Variants in RPL4 observed in about 807,000 individuals in gnomAD.
RPL4 encodes large ribosomal subunit protein uL4.
Under a neutral mutation model 47.7 loss-of-function variants are expected in RPL4, and 3 were observed. The observed-to-expected ratio is 0.06, with a 90% confidence interval of 0.03 to 0.16. The LOEUF is 0.16. Among genes scored for constraint, RPL4 ranks in the 10% least tolerant of loss-of-function variants. The probability of loss-of-function intolerance (pLI) is 1.00; values close to 1 mark genes in which losing one functional copy is unlikely to be tolerated. For synonymous variants in RPL4, 208 were observed against 182.1 expected (o/e 1.14, Z -1.15); for missense variants, 413 against 551.3 (o/e 0.75, Z 2.51).
intron 1 of RPL4, 65 bp from the exon 2 acceptor site, chr15:66,503,594 G>T: frequency 6.8e-7 from 1 of 1,475,720 alleles, no homozygotes. Context: ...CTTCTCATAC[G>T]CCAACAATAC....
intron 4 of RPL4, chr15:66,502,372 T>C (rs562430293): frequency 2.9e-4 from 146 of 496,272 alleles, no homozygotes; most frequent in Non-Finnish European, 4.4e-4. Flanking sequence ...AAAAAATTTT[T>C]AAACCGGTAT....
intron 9 of RPL4, 178 bp downstream of exon 9, chr15:66,499,878 C>T (rs1893574180): frequency 2.1e-6 from 2 of 938,948 alleles, no homozygotes; most frequent in East Asian, 2.6e-5. Flanking sequence ...CAAAAATTAG[C>T]CGGACATGGT....
chr15:66,500,655 G>C (rs2140713132), intron 7 of RPL4: 2 of 544,458 alleles, frequency 3.7e-6, no homozygotes, highest in Non-Finnish European at 6.5e-6. Context: ...GGTGGCACAA[G>C]CCTGTAGTCC....
At position 66,501,006 on chromosome 15, in the gene RPL4, T is replaced by G; in HGVS notation, c.776A>C (p.Lys259Thr). ...FCIWTESAFR[K>T]LDELYGTWRK... Reference sequence around the variant, plus strand: ...CCAAGTGCCGTACAATTCATCTAACTTCCGGAAAGCACTTTCAGTCCAAAT... The same window carrying G: ...CCAAGTGCCGTACAATTCATCTAACGTCCGGAAAGCACTTTCAGTCCAAAT... Residue 259 changes from lysine to threonine, a missense_variant, in exon 7 of 10, where the codon AAG (lysine) becomes ACG (threonine). Around this residue, in one of 4 missense-constraint regions of RPL4, gnomAD observed 214 missense variants for 304.2 expected, o/e 0.70. Coordinates refer to ENST00000307961, the MANE Select transcript of RPL4 (RefSeq NM_000968.4). The G allele has an allele frequency of 1.9e-6, 3 of 1,614,006 alleles. No individual in the cohort carries two copies. The highest frequency in any genetic ancestry group is 2.5e-6 in the Non-Finnish European group (3 of 1,179,900).
chr15:66,504,155 G>A (rs1376719090), intron 1 of RPL4, among the ~76,000 whole-genome samples: 1 of 151,946 alleles, frequency 6.6e-6, no homozygotes, highest in Non-Finnish European at 1.5e-5. Context: ...CATCCTTCAG[G>A]CCACTTTAAG....
At chr15:66,500,777 G>C in intron 7 of RPL4, 172 bp downstream of exon 7, 2 of 733,856 alleles carry the variant, frequency 2.7e-6, no homozygotes, top group Non-Finnish European at 4.4e-6. Flanking sequence ...GAACAACTCT[G>C]TCTCAAAAAC....
chr15:66,504,627 G>A (rs1595897771), intron 1 of RPL4, among the ~76,000 whole-genome samples, 161 bp downstream of exon 1: 1 of 152,060 alleles, frequency 6.6e-6, no homozygotes, highest in African/African-American at 2.4e-5. Flanking sequence ...GATGGCTGCC[G>A]TATCGCCGCA....
rs1190058069 is a variant in RPL4 at position 66,504,855 on chromosome 15, T to C, written c.-65A>G. 1 of 1,597,730 alleles carries C rather than the reference T, an allele frequency of 6.3e-7. No homozygotes were observed. The highest frequency in any genetic ancestry group is 8.5e-7 in the Non-Finnish European group (1 of 1,171,948). ...TGCTGCCACAGGAAAAGGAAGTGCTTACCACTCCCGCTGTATATGTCACCT... is the reference window on the plus strand; with the variant it reads ...TGCTGCCACAGGAAAAGGAAGTGCTCACCACTCCCGCTGTATATGTCACCT... On this transcript the variant is annotated 5_prime_UTR_variant, in exon 1 of 10. Coordinates refer to ENST00000307961, the MANE Select transcript of RPL4 (RefSeq NM_000968.4).
chr15:66,500,215 C>T, intron 8 of RPL4, 39 bp from the exon 9 acceptor site: 1 of 1,613,598 alleles, frequency 6.2e-7, no homozygotes, highest in Non-Finnish European at 8.5e-7. Flanking sequence ...TTTTACTTAA[C>T]ATTATACACA....
At position 66,501,153 on chromosome 15, in the gene RPL4, A is replaced by C. The variant is rs1893604004; in HGVS notation, c.677-48T>G. ...AGGGAGCCTGTATTCCAACAAAAGA[A>C]ACACAAATCATCTTTATGGCTTAAG... On this transcript the variant is annotated intron_variant, in intron 6 of 9. Coordinates refer to ENST00000307961, the MANE Select transcript of RPL4 (RefSeq NM_000968.4). 3.7e-6 allele frequency: 6 copies of C among 1,601,476 alleles called. No homozygotes were observed. The African/African-American group carries it at 5.4e-5, about 14-fold the overall frequency.
intron 9 of RPL4, 43 bp from the exon 10 acceptor site, chr15:66,499,695 T>G (rs1893567079): frequency 6.2e-7 from 1 of 1,608,896 alleles, no homozygotes; most frequent in Admixed American, 1.7e-5. Context: ...CAAATCCCTG[T>G]AAGAACTTAA....
chr15:66,499,642 C>T lies in RPL4; in HGVS notation c.1049G>A (p.Arg350Gln), dbSNP rs780690180. 23 of 1,613,766 alleles carry T rather than the reference C, an allele frequency of 1.4e-5. No individual in the cohort carries two copies. In the East Asian group the frequency reaches 3.1e-4, roughly 22 times the overall value. ...TGCTGCAGCAGCTGCCTTATCCACC[C>T]GGAGCTTGTGCTGCAACAAATTAGG... is the stretch of plus-strand genomic sequence containing the variant. ...ILRQARNHKL[R>Q]VDKAAAAAAA... Residue 350 changes from arginine to glutamine, a missense_variant, in exon 10 of 10, where the codon CGG (arginine) becomes CAG (glutamine). Arg to Gln is a conservative substitution (Grantham distance 43). Transcript: ENST00000307961.
Position 66,500,309 on chromosome 15 carries a change from C to A in RPL4, c.901G>T (p.Ala301Ser). 1 of 1,614,116 alleles carries A rather than the reference C, an allele frequency of 6.2e-7. No individual in the cohort carries two copies. Residue 301 changes from alanine (A) to serine (S), a missense_variant, in exon 8 of 10, where the codon GCC becomes TCC. Coordinates refer to ENST00000307961, the MANE Select transcript of RPL4 (RefSeq NM_000968.4). ...TCACTTTACCGTGGTGCTCGAAGGGCTCTTTGGATCTCTGGGCTTTTCAAG... is the reference window on the plus strand; with the variant it reads ...TCACTTTACCGTGGTGCTCGAAGGGATCTTTGGATCTCTGGGCTTTTCAAG... ...RILKSPEIQR[A>S]LRAPRKKIHR... is the part of the protein sequence containing the mutation.
chr15:66,499,386 G>A lies in RPL4; in HGVS notation c.*21C>T. ...CTGTCCAAAATGATTTGACCTTTATGGAATAATCAAATTTAAGAGTTTATG... is the reference window on the plus strand; with the variant it reads ...CTGTCCAAAATGATTTGACCTTTATAGAATAATCAAATTTAAGAGTTTATG... On this transcript the variant is annotated 3_prime_UTR_variant, in exon 10 of 10. Coordinates refer to ENST00000307961, the MANE Select transcript of RPL4 (RefSeq NM_000968.4). 2 of 1,588,428 alleles carry A rather than the reference G, an allele frequency of 1.3e-6. No homozygotes were observed. The highest frequency in any genetic ancestry group is 4.5e-5 in the East Asian group (2 of 44,800).
At chr15:66,502,553 A>G (rs1177645916) in intron 4 of RPL4, 59 bp downstream of exon 4, 1 of 1,558,832 alleles carries the variant, frequency 6.4e-7, no homozygotes, top group African/African-American at 1.4e-5. Flanking sequence ...CACCCTAATG[A>G]TCAAATAGTA....
At chr15:66,499,810 GGTC>G in intron 9 of RPL4, 158 bp from the exon 10 acceptor site, 1 of 1,049,254 alleles carries the variant, frequency 9.5e-7, no homozygotes. Context: ...AATCACCTGA[GGTC>G]AGGAGTTTGA....
Position 66,499,395 on chromosome 15 carries a change from A to G in RPL4, c.*12T>C. 6.3e-7 allele frequency: 1 copy of G among 1,590,406 alleles called. No individual in the cohort carries two copies. Among genetic ancestry groups the G allele is most frequent in the East Asian group, 2.2e-5 (1 of 44,824 alleles). ...ATGATTTGACCTTTATGGAATAATC[A>G]AATTTAAGAGTTTATGCAGCAGGCT... is the stretch of plus-strand genomic sequence containing the variant. On this transcript the variant is annotated 3_prime_UTR_variant, in exon 10 of 10. Coordinates refer to ENST00000307961, the MANE Select transcript of RPL4 (RefSeq NM_000968.4).
At chr15:66,502,321 A>T in intron 4 of RPL4, 1 of 406,978 alleles carries the variant, frequency 2.5e-6, no homozygotes, top group Non-Finnish European at 4.4e-6. Flanking sequence ...TGAAAGAAAA[A>T]GTGGGGCATT....
Position 66,499,290 on chromosome 15 carries a change from A to C in RPL4, c.*117T>G. On this transcript the variant is annotated 3_prime_UTR_variant, in exon 10 of 10. Coordinates refer to ENST00000307961, the MANE Select transcript of RPL4 (RefSeq NM_000968.4). ...AAAATGTCACTTTAAAAAAATTCTA[A>C]CCAAGCTTTACAGAGCACACCAAGT... 7.5e-7 allele frequency: 1 copy of C among 1,334,838 alleles called. No homozygotes were observed. The highest frequency in any genetic ancestry group is 1.0e-6 in the Non-Finnish European group (1 of 980,216). 82.7% of individuals were successfully genotyped at this position (1,334,838 alleles called of 1,614,324 possible). A position where few individuals can be genotyped will look rare whatever the true frequency, so the allele number is the denominator to read the frequency against.
Sources: allele counts gnomAD v4.1 joint callset (sites outside exome capture counted in the v4.1 genomes callset), GRCh38; gene constraint gnomAD v4.1.1; regional missense constraint gnomAD v4.1.1; transcripts MANE v1.5; gene names NCBI Gene and HGNC (gene_info 2026-07-23, HGNC 2026-07-21).